Variants in LHPP observed in about 807,000 individuals in gnomAD.
LHPP encodes hLHPP.
A neutral mutation model predicts 30.3 loss-of-function variants in LHPP; 24 were observed. The ratio of observed to expected loss-of-function variants is 0.79; its 90% CI spans 0.57 to 1.11. The LOEUF (loss-of-function observed/expected upper bound fraction) is 1.11. LHPP is among the 50% of genes most tolerant of loss of function. The pLI, the probability that LHPP is intolerant of heterozygous loss-of-function variation, is 0.00. For synonymous variants in LHPP, 150 were observed against 157.1 expected (o/e 0.95, Z 0.34); for missense variants, 356 against 367.2 (o/e 0.97, Z 0.25).
intron 1 of LHPP, among the ~76,000 whole-genome samples, chr10:124,467,853 T>C (rs1170469974): frequency 1.3e-5 from 2 of 152,052 alleles, no homozygotes; most frequent in Non-Finnish European, 2.9e-5. Context: ...GGATTACAGG[T>C]GCCTGCCACC....
intron 6 of LHPP, among the ~76,000 whole-genome samples, chr10:124,572,083 G>C (rs1490579235): frequency 6.6e-6 from 1 of 152,200 alleles, no homozygotes; most frequent in Non-Finnish European, 1.5e-5. Context: ...GGAAGCATTG[G>C]CAGGGAGAGG....
rs141918992 is a variant in LHPP, at chr10:124,547,387, G to A, written c.716+30116G>A. On this transcript the variant is annotated intron_variant, in intron 6 of 6. Coordinates refer to ENST00000368842, the MANE Select transcript of LHPP (RefSeq NM_022126.4). ...TAAATATTTCAACTTTAGATTCTGT[G>A]AGTGAGTCTATTAGTGTCAGGCTTT... Among the ~76,000 whole-genome samples the A allele has an allele frequency of 2.6e-3, 403 of 152,266 alleles. 1 individual carries two copies. The highest frequency in any genetic ancestry group is 9.5e-3 in the African/African-American group (393 of 41,514).
In LHPP at chr10:124,610,435, T is replaced by TGGTG. The variant is rs1949161445; in HGVS notation, c.717-2828_717-2827insGTGG. Among the ~76,000 whole-genome samples, 27 of 73,238 alleles carry TGGTG rather than the reference T, an allele frequency of 3.7e-4. 1 individual carries two copies. The highest frequency in any genetic ancestry group is 5.8e-4 in the Non-Finnish European group (21 of 35,948). The allele number at this position is 73,238 out of a possible 152,430, so 48.0% of individuals were successfully genotyped here. ...CGGGTGAGGGTGAGGGTGAGGGTGC[T>TGGTG]GATGCAGCGGGTGAGGGTGAGGGTG... On this transcript the variant is annotated intron_variant, in intron 6 of 6. Transcript: ENST00000368842.
intron 5 of LHPP, among the ~76,000 whole-genome samples, chr10:124,511,259 A>G (rs1954286353): frequency 6.6e-6 from 1 of 152,246 alleles, no homozygotes; most frequent in African/African-American, 2.4e-5. Context: ...CTATAAATGG[A>G]AAACCAGAAT....
chr10:124,542,940 A>G (rs770676788), intron 6 of LHPP, among the ~76,000 whole-genome samples: 3 of 152,004 alleles, frequency 2.0e-5, no homozygotes, highest in Non-Finnish European at 4.4e-5. Context: ...CTGCCTGCCC[A>G]TGGCTCTTGC....
At chr10:124,567,653 C>T in intron 6 of LHPP, among the ~76,000 whole-genome samples, 1 of 152,274 alleles carries the variant, frequency 6.6e-6, no homozygotes, top group Non-Finnish European at 1.5e-5. Context: ...CCGCAGCGGC[C>T]ACTTGTGTTC....
chr10:124,520,092 C>G (rs1954573011), intron 6 of LHPP, among the ~76,000 whole-genome samples: 1 of 152,004 alleles, frequency 6.6e-6, no homozygotes, highest in South Asian at 2.1e-4. Context: ...CTCGGCCTCC[C>G]AAAGTGCTAG....
At chr10:124,522,481 G>A (rs374267141) in intron 6 of LHPP, among the ~76,000 whole-genome samples, 1 of 152,216 alleles carries the variant, frequency 6.6e-6, no homozygotes, top group African/African-American at 2.4e-5. Flanking sequence ...CTGCCCTGCC[G>A]TGAGAGGCTT....
At chr10:124,588,096 C>T (rs1253341540) in intron 6 of LHPP, among the ~76,000 whole-genome samples, 2 of 152,246 alleles carry the variant, frequency 1.3e-5, no homozygotes, top group Non-Finnish European at 2.9e-5. Context: ...GTACAGAGAG[C>T]AGAAGTTTGA....
intron 6 of LHPP, among the ~76,000 whole-genome samples, chr10:124,607,901 G>A (rs79700280): frequency 6.6e-6 from 1 of 152,162 alleles, no homozygotes; most frequent in Non-Finnish European, 1.5e-5. Context: ...CACACGTGGC[G>A]GCTGCGAGCA....
chr10:124,487,497 C>T (rs1275846982), intron 2 of LHPP, among the ~76,000 whole-genome samples: 1 of 147,006 alleles, frequency 6.8e-6, no homozygotes, highest in Admixed American at 7.0e-5. Context: ...GGCTGGAATA[C>T]AGTGGTGCAA....
intron 6 of LHPP, among the ~76,000 whole-genome samples, chr10:124,538,559 G>A (rs1030033356): frequency 3.9e-5 from 6 of 152,146 alleles, no homozygotes; most frequent in South Asian, 2.1e-4. Context: ...CCCCCTGCCC[G>A]CTGTGGCCCC....
At chr10:124,597,828 A>G (rs1169004087) in intron 6 of LHPP, among the ~76,000 whole-genome samples, 1 of 152,224 alleles carries the variant, frequency 6.6e-6, no homozygotes, top group African/African-American at 2.4e-5. Context: ...GGACGGAGTC[A>G]GCTCTTTTTA....
At chr10:124,569,462 C>T (rs1026291035) in intron 6 of LHPP, among the ~76,000 whole-genome samples, 18 of 152,092 alleles carry the variant, frequency 1.2e-4, no homozygotes, top group African/African-American at 2.4e-5. Flanking sequence ...TGAGTTCTGT[C>T]GCGGAAAGTC....
chr10:124,490,019 A>C, intron 3 of LHPP: 1 of 165,872 alleles, frequency 6.0e-6, no homozygotes, highest in South Asian at 1.4e-4. Context: ...ATCTGTGGGT[A>C]TCTCTCTCTG....
chr10:124,522,694 G>T (rs1350566763), intron 6 of LHPP, among the ~76,000 whole-genome samples: 2 of 150,314 alleles, frequency 1.3e-5, no homozygotes, highest in African/African-American at 4.9e-5. Context: ...TGGATGCGAG[G>T]CCCAGTGGGT....
At chr10:124,498,882 CTTT>C (rs565604598) in intron 5 of LHPP, 770 of 192,286 alleles carry the variant, frequency 4.0e-3, no homozygotes, top group South Asian at 8.3e-3. Flanking sequence ...GCCTGGCAAA[CTTT>C]TTTTTTTTTT....
At chr10:124,480,869 A>G (rs1302682365) in intron 1 of LHPP, among the ~76,000 whole-genome samples, 1 of 152,128 alleles carries the variant, frequency 6.6e-6, no homozygotes, top group African/African-American at 2.4e-5. Context: ...CCTAAATTGC[A>G]CCTGTCAGCT....
At chr10:124,585,226 G>A (rs568087831) in intron 6 of LHPP, among the ~76,000 whole-genome samples, 14 of 152,192 alleles carry the variant, frequency 9.2e-5, no homozygotes, top group East Asian at 3.9e-4. Context: ...TTGCACTTCC[G>A]TTGTCAAATT....
Sources: gnomAD v4.1 joint callset for allele counts (sites outside exome capture counted in the v4.1 genomes callset) on GRCh38, gnomAD v4.1.1 for gene constraint, MANE v1.5 for transcripts, NCBI Gene and HGNC (gene_info 2026-07-23, HGNC 2026-07-21) for gene names.